Variants in SPATA3 observed in about 807,000 individuals in gnomAD.
SPATA3 encodes the protein spermatogenesis associated 3.
A neutral mutation model predicts 5.7 loss-of-function variants in SPATA3; 6 were observed. The observed-to-expected ratio is 1.06, with a 90% CI of 0.58 to 2.09. The LOEUF is 2.09. Among genes scored for constraint, SPATA3 ranks in the 30% most tolerant of loss-of-function variants. SPATA3 has a pLI of 0.00. For synonymous variants in SPATA3, 44 were observed against 48.4 expected, an observed-to-expected ratio of 0.91 and a Z score of 0.37; for missense variants, 155 against 130.4, an observed-to-expected ratio of 1.19 and a Z score of -0.92.
At chr2:231,000,641 C>T (rs1173087007) in intron 2 of SPATA3, 104 bp downstream of exon 2, 1 of 1,175,344 alleles carries the variant, frequency 8.5e-7, no homozygotes, top group Non-Finnish European at 1.1e-6. Context: ...CTTGGGAATC[C>T]CAGGCCGAAG....
chr2:231,002,737 G>A lies in SPATA3; in HGVS notation c.1016G>A (p.Arg339Gln), dbSNP rs572880155. 1.6e-4 allele frequency: 243 copies of A among 1,532,304 alleles called. 4 individuals are homozygous for A. The South Asian group carries it at 2.2e-3, about 14-fold the overall frequency. 94.9% of individuals were successfully genotyped at this position (1,532,304 alleles called of 1,614,324 possible). A position where few individuals can be genotyped will look rare whatever the true frequency, so the allele number is the denominator to read the frequency against. ...CGTAACGCGTGTCCTCCAAGCCCTC[G>A]GAACTGTGGCTGTGGCTCTGGGGGC... Residue 339 changes from arginine to glutamine, a missense_variant, in exon 3 of 3, where the codon CGG becomes CAG. Physicochemically the swap from Arg to Gln is conservative, Grantham distance 43 (BLOSUM62 1). Transcript: ENST00000645363.
intron 4 of SPATA3, chr2:231,012,524 G>C (rs1692814804): frequency 6.6e-6 from 1 of 152,246 alleles, no homozygotes; most frequent in Non-Finnish European, 1.5e-5. Flanking sequence ...ATTGCAGTCT[G>C]CTGCAGGATG....
intron 6 of SPATA3, among the ~76,000 whole-genome samples, chr2:231,019,171 A>G (rs6715949): frequency 0.21 from 31,079 of 148,704 alleles, 3,440 homozygotes; most frequent in East Asian, 0.39. Context: ...GGGTTTCACC[A>G]TGTTAGCCAG....
chr2:230,997,445 C>A (rs537914709), intron 1 of SPATA3, among the ~76,000 whole-genome samples: 32 of 152,278 alleles, frequency 2.1e-4, no homozygotes, highest in Non-Finnish European at 4.0e-4. Context: ...TGAAAACAGA[C>A]AAATACAGGC....
chr2:231,012,118 C>T (rs1692803654), downstream of SPATA3, among the ~76,000 whole-genome samples: 3 of 152,176 alleles, frequency 2.0e-5, no homozygotes, highest in East Asian at 5.8e-4. Context: ...GTGCCAATCA[C>T]CAGCGGCAAG....
chr2:231,017,901 A>C (rs1417470427), intron 6 of SPATA3, among the ~76,000 whole-genome samples: 1 of 151,468 alleles, frequency 6.6e-6, no homozygotes, highest in Non-Finnish European at 1.5e-5. Flanking sequence ...AGAAGTTCTG[A>C]CACTTTTAAA....
At chr2:231,002,218 C>A (rs983719342) in intron 2 of SPATA3, among the ~76,000 whole-genome samples, 1 of 152,188 alleles carries the variant, frequency 6.6e-6, no homozygotes, top group African/African-American at 2.4e-5. Flanking sequence ...ACGGGTATTG[C>A]ATTTTTTGAA....
At chr2:231,019,868 A>C (rs1693035220) in exon 7 of SPATA3, 1 of 150,800 alleles carries the variant, frequency 6.6e-6, no homozygotes, top group Admixed American at 6.6e-5. Context: ...GACATGCTGA[A>C]CTGAAGAAGA....
At chr2:231,015,833 A>C (rs923160409) in intron 6 of SPATA3, among the ~76,000 whole-genome samples, 2 of 152,228 alleles carry the variant, frequency 1.3e-5, no homozygotes, top group Non-Finnish European at 2.9e-5. Context: ...TGAAAATGCA[A>C]ATGTCTCAGA....
downstream of SPATA3, among the ~76,000 whole-genome samples, chr2:231,006,221 G>A (rs62193673): frequency 7.4e-6 from 1 of 134,388 alleles, no homozygotes; most frequent in Admixed American, 7.7e-5. Context: ...AAAAAAAAAG[G>A]CCGGGTGTGG....
At chr2:230,999,475 T>A (rs1468540236) in intron 1 of SPATA3, 1 of 152,196 alleles carries the variant, frequency 6.6e-6, no homozygotes, top group Non-Finnish European at 1.5e-5. Flanking sequence ...AAAGTACGTG[T>A]CGTGGGCAAG....
At chr2:231,004,631 G>A (rs767429585), downstream of SPATA3, among the ~76,000 whole-genome samples, 5 of 152,112 alleles carry the variant, frequency 3.3e-5, no homozygotes, top group East Asian at 5.8e-4. Context: ...AAATGCACCC[G>A]AGTTAAAGCA....
At chr2:231,011,387 G>A (rs1692784021), downstream of SPATA3, among the ~76,000 whole-genome samples, 1 of 152,132 alleles carries the variant, frequency 6.6e-6, no homozygotes. Flanking sequence ...AGTACTGGGA[G>A]CCTCCGCACC....
chr2:231,000,389 C>G (rs541887874), exon 2 of SPATA3: 1 of 1,525,572 alleles, frequency 6.6e-7, no homozygotes, highest in Non-Finnish European at 8.8e-7. Context: ...CGCCGGCCCG[C>G]ATTCCTGCTC....
intron 6 of SPATA3, among the ~76,000 whole-genome samples, chr2:231,015,547 G>A (rs137969421): frequency 4.6e-5 from 7 of 152,352 alleles, no homozygotes; most frequent in Admixed American, 6.5e-5. Flanking sequence ...AGAGGCAAGA[G>A]GAGGCAGCAA....
At chr2:231,019,832 A>G (rs1012818480) in exon 7 of SPATA3, 1 of 150,716 alleles carries the variant, frequency 6.6e-6, no homozygotes, top group African/African-American at 2.4e-5. Context: ...GGACCCAGAA[A>G]CCAATACCCC....
chr2:231,000,720 G>A (rs112223375), intron 2 of SPATA3, among the ~76,000 whole-genome samples, 183 bp downstream of exon 2: 1,662 of 152,218 alleles, frequency 0.011, 35 homozygotes, highest in African/African-American at 0.038. Flanking sequence ...CTTTCTGACC[G>A]GCCCCACCCC....
intron 1 of SPATA3, chr2:230,996,500 T>C: frequency 6.4e-7 from 1 of 1,552,006 alleles, no homozygotes; most frequent in Non-Finnish European, 8.7e-7. Context: ...CTCCAGATGC[T>C]AACGTGAAGG....
At chr2:231,015,768 C>A (rs560308905) in intron 6 of SPATA3, among the ~76,000 whole-genome samples, 1 of 152,342 alleles carries the variant, frequency 6.6e-6, no homozygotes, top group Admixed American at 6.5e-5. Flanking sequence ...GAGCCACAAA[C>A]ACAGAAAGGC....
Sources: allele counts gnomAD v4.1 joint callset (sites outside exome capture counted in the v4.1 genomes callset), GRCh38; gene constraint gnomAD v4.1.1; transcripts MANE v1.5; gene names NCBI Gene and HGNC (gene_info 2026-07-23, HGNC 2026-07-21).